The following AVEN variants were observed in gnomAD, a reference collection of about 807,000 sequenced individuals.
The protein encoded by AVEN is apoptosis and caspase activation inhibitor.
AVEN carries 41 observed loss-of-function variants against 38.1 expected under a neutral mutation model. That is an observed-to-expected ratio of 1.08 (90% confidence interval 0.84 to 1.40). The LOEUF (loss-of-function observed/expected upper bound fraction) is 1.40. Ranked by LOEUF, AVEN falls within the 40% of genes most tolerant of loss-of-function variation. AVEN has a pLI of 0.00. For synonymous variants in AVEN, 206 were observed against 171.8 expected, an observed-to-expected ratio of 1.20 and a Z score of -1.56; for missense variants, 605 against 438.8, an observed-to-expected ratio of 1.38 and a Z score of -3.38.
chr15:33,981,236 T>C (rs1896129972), intron 2 of AVEN, among the ~76,000 whole-genome samples: 1 of 152,242 alleles, frequency 6.6e-6, no homozygotes, highest in African/African-American at 2.4e-5. Context: ...ATGAATTTCA[T>C]TTCACTTTCC....
intron 2 of AVEN, among the ~76,000 whole-genome samples, chr15:33,944,008 A>T (rs1894416201): frequency 6.6e-6 from 1 of 152,090 alleles, no homozygotes; most frequent in South Asian, 2.1e-4. Flanking sequence ...GGCCAGGATT[A>T]CACGCATGAA....
chr15:33,975,176 C>T (rs1219906641), intron 2 of AVEN, among the ~76,000 whole-genome samples: 1 of 152,192 alleles, frequency 6.6e-6, no homozygotes, highest in African/African-American at 2.4e-5. Flanking sequence ...CTCCTCCACA[C>T]GCTTCTTGGA....
intron 2 of AVEN, among the ~76,000 whole-genome samples, chr15:33,976,492 C>T (rs1224385591): frequency 2.0e-5 from 3 of 152,034 alleles, no homozygotes; most frequent in South Asian, 2.1e-4. Context: ...CTGCCATGCC[C>T]GCATCAGATT....
At chr15:33,954,842 T>C (rs1894898031) in intron 2 of AVEN, among the ~76,000 whole-genome samples, 1 of 152,164 alleles carries the variant, frequency 6.6e-6, no homozygotes, top group Non-Finnish European at 1.5e-5. Context: ...CAAACTCAAC[T>C]CTTCTTAACT....
At chr15:33,859,255 A>G (rs1206254282) in intron 11 of AVEN, among the ~76,000 whole-genome samples, 1 of 152,242 alleles carries the variant, frequency 6.6e-6, no homozygotes, top group Non-Finnish European at 1.5e-5. Flanking sequence ...TTAAAATTAA[A>G]TGAGGAAAAA....
chr15:33,990,603 T>C (rs982678701), intron 2 of AVEN: 1 of 152,234 alleles, frequency 6.6e-6, no homozygotes, highest in Admixed American at 6.5e-5. Context: ...TAAACAGTCC[T>C]TCATGTGAAC....
At chr15:34,074,874 G>A (rs1190934093) in exon 1 of AVEN, among the ~76,000 whole-genome samples, 1 of 151,944 alleles carries the variant, frequency 6.6e-6, no homozygotes, top group Non-Finnish European at 1.5e-5. Context: ...ACCAATGATG[G>A]GTAGTATTGA....
chr15:33,857,892 T>TGAA, downstream of AVEN: 2 of 1,614,126 alleles, frequency 1.2e-6, no homozygotes, highest in Non-Finnish European at 1.7e-6. Context: ...GAGCCCGATA[T>TGAA]GAAGTGCGAC....
At chr15:33,938,311 C>T (rs1232134333) in intron 2 of AVEN, among the ~76,000 whole-genome samples, 6 of 151,890 alleles carry the variant, frequency 4.0e-5, no homozygotes, top group South Asian at 2.1e-4. Flanking sequence ...AAAAATTAGC[C>T]GGGCGTGGTG....
chr15:33,935,216 G>A (rs548438563), intron 2 of AVEN, among the ~76,000 whole-genome samples: 22 of 152,216 alleles, frequency 1.4e-4, no homozygotes, highest in East Asian at 7.7e-4. Flanking sequence ...TCCACAGGTC[G>A]TCATAAAAAT....
chr15:33,941,182 G>A (rs780098598), intron 2 of AVEN, among the ~76,000 whole-genome samples: 3 of 152,146 alleles, frequency 2.0e-5, no homozygotes, highest in Non-Finnish European at 4.4e-5. Flanking sequence ...TTCACAGAAT[G>A]TTTACTAATA....
intron 2 of AVEN, among the ~76,000 whole-genome samples, chr15:33,876,505 G>C (rs1425849063): frequency 1.3e-5 from 2 of 152,052 alleles, no homozygotes; most frequent in Non-Finnish European, 2.9e-5. Context: ...CCGGGAGGCG[G>C]AGGTTGCAGT....
At chr15:34,033,368 T>C (rs1243050166) in intron 1 of AVEN, among the ~76,000 whole-genome samples, 2 of 151,974 alleles carry the variant, frequency 1.3e-5, no homozygotes, top group Non-Finnish European at 2.9e-5. Flanking sequence ...TAGCCGGGTG[T>C]GGCGGTGTGC....
chr15:33,934,956 T>C (rs1200097551), intron 2 of AVEN, among the ~76,000 whole-genome samples: 2 of 152,198 alleles, frequency 1.3e-5, no homozygotes, highest in Non-Finnish European at 2.9e-5. Flanking sequence ...GCCTGGCATA[T>C]TATAAGTCTC....
At chr15:33,967,398 T>C (rs1789539885) in intron 2 of AVEN, among the ~76,000 whole-genome samples, 3 of 152,088 alleles carry the variant, frequency 2.0e-5, no homozygotes, top group Admixed American at 6.5e-5. Flanking sequence ...GGTGTGATAA[T>C]GGCACAGGGT....
intron 2 of AVEN, among the ~76,000 whole-genome samples, chr15:33,930,740 G>A (rs1249108603): frequency 1.3e-5 from 2 of 152,136 alleles, no homozygotes; most frequent in Non-Finnish European, 2.9e-5. Context: ...AGGATCACGA[G>A]GTCAGGAGAT....
chr15:33,986,444 G>A (rs1420107355), intron 2 of AVEN, among the ~76,000 whole-genome samples: 1 of 151,756 alleles, frequency 6.6e-6, no homozygotes, highest in East Asian at 1.9e-4. Context: ...ATAAACACAA[G>A]GCAGAAGACT....
intron 2 of AVEN, among the ~76,000 whole-genome samples, chr15:33,927,243 A>G (rs1006748316): frequency 2.0e-5 from 3 of 151,430 alleles, no homozygotes; most frequent in African/African-American, 7.3e-5. Context: ...TGACAGAGCG[A>G]GACTCCATCT....
chr15:34,002,749 T>C (rs1897184716), intron 2 of AVEN, among the ~76,000 whole-genome samples: 1 of 152,194 alleles, frequency 6.6e-6, no homozygotes, highest in Non-Finnish European at 1.5e-5. Flanking sequence ...TCTCAGACTA[T>C]CAAATTTACA....
Sources: allele counts gnomAD v4.1 joint callset (sites outside exome capture counted in the v4.1 genomes callset), GRCh38; gene constraint gnomAD v4.1.1; transcripts MANE v1.5; gene names NCBI Gene and HGNC (gene_info 2026-07-23, HGNC 2026-07-21).